LMNB1: variants seen among roughly 807,000 people sequenced by gnomAD.
LMNB1 encodes the protein lamin-B1.
A neutral mutation model predicts 67.1 loss-of-function variants in LMNB1; 23 were observed. The observed-to-expected ratio is 0.34, with a 90% CI of 0.25 to 0.49. LMNB1 has a LOEUF of 0.49. Ranked by LOEUF, LMNB1 falls within the 20% of genes least tolerant of loss-of-function variation. The pLI is 0.99. For missense variants in LMNB1, 634 were observed against 746.5 expected, an observed-to-expected ratio of 0.85 and a Z score of 1.76; for synonymous variants, 281 against 282.9, an observed-to-expected ratio of 0.99 and a Z score of 0.07.
chr5:126,835,396 A>C (rs1301215745), intron 10 of LMNB1, among the ~76,000 whole-genome samples: 1 of 152,236 alleles, frequency 6.6e-6, no homozygotes, highest in Non-Finnish European at 1.5e-5. Flanking sequence ...AGGTTATATG[A>C]AATTAATGAG....
chr5:126,795,932 G>A (rs1488979647), intron 1 of LMNB1, among the ~76,000 whole-genome samples: 2 of 41,878 alleles, frequency 4.8e-5, no homozygotes, highest in African/African-American at 6.5e-5. Flanking sequence ...GGCCCAGGAT[G>A]CTTTTTTTTT....
intron 4 of LMNB1, among the ~76,000 whole-genome samples, chr5:126,811,560 G>T (rs897424435): frequency 1.3e-5 from 2 of 152,104 alleles, no homozygotes; most frequent in Non-Finnish European, 2.9e-5. Flanking sequence ...AGGTATATTA[G>T]CATTCTTAAA....
Position 126,804,839 on chromosome 5 carries a change from A to G in LMNB1, c.423A>G (p.Ala141=). The change falls in exon 2 of 11, where the codon GCA becomes GCG. Residue 141 remains alanine (A), a synonymous_variant. Transcript: ENST00000261366. ...AQIKLREYEA[A]LNSKDAALAT... is the part of the protein sequence containing the mutation. Reference sequence around the variant, plus strand: ...TCAAGCTTCGAGAATATGAAGCAGCACTGAATTCGAAAGATGCAGCTCTTG... The same window carrying G: ...TCAAGCTTCGAGAATATGAAGCAGCGCTGAATTCGAAAGATGCAGCTCTTG... 3 of 1,614,118 alleles carry G rather than the reference A, an allele frequency of 1.9e-6. No homozygotes were observed. Among genetic ancestry groups the G allele is most frequent in the Non-Finnish European group, 8.5e-7 (1 of 1,179,986 alleles).
intron 1 of LMNB1, among the ~76,000 whole-genome samples, chr5:126,801,090 TC>T (rs1160350316): frequency 6.9e-6 from 1 of 145,954 alleles, no homozygotes; most frequent in Non-Finnish European, 1.5e-5. Context: ...ATCAAGTGAT[TC>T]TCCCGCCTCA....
At chr5:126,812,118 A>G (rs561556802) in intron 5 of LMNB1, among the ~76,000 whole-genome samples, 1 of 152,348 alleles carries the variant, frequency 6.6e-6, no homozygotes, top group East Asian at 1.9e-4. Context: ...AGTAGATTAC[A>G]CAGAGCTAAG....
chr5:126,784,835 T>A (rs1338570690), intron 1 of LMNB1, among the ~76,000 whole-genome samples: 5 of 151,070 alleles, frequency 3.3e-5, no homozygotes, highest in East Asian at 2.0e-4. Context: ...AATTTTTTTT[T>A]ATATTTTTAG....
intron 3 of LMNB1, among the ~76,000 whole-genome samples, chr5:126,808,820 A>C (rs780059402): frequency 1.3e-5 from 2 of 152,200 alleles, no homozygotes; most frequent in Admixed American, 6.5e-5. Context: ...CACAAACAGC[A>C]ACTTTGGTGG....
intron 1 of LMNB1, among the ~76,000 whole-genome samples, chr5:126,796,237 AT>A (rs1319072227): frequency 3.3e-5 from 5 of 151,894 alleles, no homozygotes; most frequent in African/African-American, 1.2e-4. Context: ...CCCTGGATGC[AT>A]TTTTTAATCT....
At chr5:126,802,764 T>C (rs1751316706) in intron 1 of LMNB1, among the ~76,000 whole-genome samples, 1 of 152,188 alleles carries the variant, frequency 6.6e-6, no homozygotes, top group South Asian at 2.1e-4. Flanking sequence ...TATTAAGGCT[T>C]CTCTGTGTAA....
Position 126,821,033 on chromosome 5 carries a change from T to C in LMNB1, c.1284T>C (p.Ser428=), listed in dbSNP as rs1185919505. 3 of 1,613,840 alleles carry C rather than the reference T, an allele frequency of 1.9e-6. No individual in the cohort carries two copies. Among genetic ancestry groups the C allele is most frequent in the African/African-American group, 2.7e-5 (2 of 74,918 alleles). The change falls in exon 7 of 11, where the codon AGT becomes AGC. Residue 428 remains serine (S), a synonymous_variant. Transcript: ENST00000261366. ...RVDVEESEAS[S]SVSISHSASA... The stretch of plus-strand genomic sequence containing the variant: ...ATGTGGAAGAATCAGAGGCGAGTAG[T>C]AGTGTTAGCATCTCTCATTCCGCCT...
intron 5 of LMNB1, among the ~76,000 whole-genome samples, chr5:126,817,753 G>A (rs560156417): frequency 6.6e-6 from 1 of 152,116 alleles, no homozygotes; most frequent in African/African-American, 2.4e-5. Flanking sequence ...TATGTATTTG[G>A]TAGCTCCTTT....
intron 2 of LMNB1, 69 bp downstream of exon 2, chr5:126,805,001 T>G (rs1437705341): frequency 8.4e-7 from 1 of 1,185,016 alleles, no homozygotes; most frequent in African/African-American, 1.6e-5. Flanking sequence ...AGCCATAGTT[T>G]GATTGATTGA....
chr5:126,780,010 G>A (rs1410827933), intron 1 of LMNB1, among the ~76,000 whole-genome samples: 1 of 151,524 alleles, frequency 6.6e-6, no homozygotes, highest in African/African-American at 2.4e-5. Context: ...CCAGCCTGGC[G>A]ACAGAGTGAG....
rs181551734 is a variant in LMNB1, at chr5:126,818,383, C to T, written c.940-539C>T. Among the ~76,000 whole-genome samples, 332 of 151,972 alleles carry T rather than the reference C, an allele frequency of 2.2e-3. 2 individuals carry two copies. Among genetic ancestry groups the T allele is most frequent in the African/African-American group, 6.8e-3 (283 of 41,470 alleles). The stretch of plus-strand genomic sequence containing the variant: ...CCTCCCAAGTAGCTGGGATTACAGG[C>T]GCCCACCACTACAACCTGCTAATTT... On this transcript the variant is annotated intron_variant, in intron 5 of 10. Transcript: ENST00000261366.
intron 5 of LMNB1, among the ~76,000 whole-genome samples, chr5:126,816,742 A>G (rs995753210): frequency 1.3e-5 from 2 of 152,002 alleles, no homozygotes; most frequent in East Asian, 1.9e-4. Context: ...CTGTCCCCCA[A>G]TTTGGATTTG....
Position 126,820,945 on chromosome 5 carries a change from C to CAGT in LMNB1, c.1198_1200dup (p.Val400dup). The CAGT allele has an allele frequency of 6.2e-7, 1 of 1,613,956 alleles. No individual in the cohort carries two copies. The highest frequency in any genetic ancestry group is 1.1e-5 in the South Asian group (1 of 91,078). On this transcript the variant is annotated inframe_insertion, in exon 7 of 11. Coordinates refer to ENST00000261366, the MANE Select transcript of LMNB1 (RefSeq NM_005573.4). ...TCTCCAAGCCCTTCTTCCCGTGTGACAGTATCCCGAGCATCCTCAAGTCGT... is the reference window on the plus strand; with the variant it reads ...TCTCCAAGCCCTTCTTCCCGTGTGACAGTAGTATCCCGAGCATCCTCAAGTCGT...
At chr5:126,825,937 G>C in intron 8 of LMNB1, 51 bp from the exon 9 acceptor site, 2 of 1,610,934 alleles carry the variant, frequency 1.2e-6, no homozygotes, top group Non-Finnish European at 1.7e-6. Context: ...TGTCGTTGGC[G>C]TGTGGGAGAA....
chr5:126,827,764 C>G (rs1162799875), intron 9 of LMNB1, among the ~76,000 whole-genome samples: 2 of 152,168 alleles, frequency 1.3e-5, no homozygotes, highest in African/African-American at 2.4e-5. Context: ...GAAGATGCAG[C>G]CAGTGAAGTC....
chr5:126,777,911 G>T, intron 1 of LMNB1, 44 bp downstream of exon 1: 3 of 1,379,986 alleles, frequency 2.2e-6, no homozygotes, highest in South Asian at 1.6e-5. Context: ...GGAGGGGCGG[G>T]GGCGCAACCG....
Sources: gnomAD v4.1 joint callset for allele counts (sites outside exome capture counted in the v4.1 genomes callset) on GRCh38, gnomAD v4.1.1 for gene constraint, MANE v1.5 for transcripts, NCBI Gene and HGNC (gene_info 2026-07-23, HGNC 2026-07-21) for gene names.